The following CDH7 variants were observed in gnomAD, a reference collection of about 807,000 sequenced individuals.
CDH7 encodes cadherin-7.
Under a neutral mutation model 71.8 loss-of-function variants are expected in CDH7, and 25 were observed. The ratio of observed to expected loss-of-function variants is 0.35; its 90% CI spans 0.25 to 0.49. CDH7 has a LOEUF of 0.49. Among genes scored for constraint, CDH7 ranks in the 20% least tolerant of loss-of-function variants. The pLI is 0.99. For synonymous variants in CDH7, 381 were observed against 363.8 expected (o/e 1.05, Z -0.54); for missense variants, 862 against 974.6 (o/e 0.88, Z 1.54).
In CDH7 at chr18:65,885,692, T is replaced by C. The variant is rs1247439672; in HGVS notation, c.*4798T>C. ...TGTGTGTGCGTTTTCATGTGTGTGA[T>C]TGGGAACCTTGAGAGATGTATCTGA... is the stretch of plus-strand genomic sequence containing the variant. On this transcript the variant is annotated 3_prime_UTR_variant, in exon 12 of 12. Transcript: ENST00000397968. 6.6e-6 allele frequency: 1 copy of C among 152,130 alleles called. No individual in the cohort carries two copies. The highest frequency in any genetic ancestry group is 1.5e-5 in the Non-Finnish European group (1 of 68,040). 9.4% of individuals were successfully genotyped at this position (152,130 alleles called of 1,614,324 possible).
In CDH7 at chr18:65,884,071, C is replaced by A. The variant is rs772936333; in HGVS notation, c.*3177C>A. On this transcript the variant is annotated 3_prime_UTR_variant, in exon 12 of 12. Transcript: ENST00000397968. ...TGAACAGTTTAATTTATTGAAAAAT[C>A]AGATGCATTTTACTTCTTACTGTCT... 6 of 152,082 alleles carry A rather than the reference C, an allele frequency of 3.9e-5. No homozygotes were observed. Among genetic ancestry groups the A allele is most frequent in the Non-Finnish European group, 2.9e-5 (2 of 67,960 alleles). The allele number at this position is 152,082 out of a possible 1,614,324, so 9.4% of individuals were successfully genotyped here.
At chr18:65,847,130 T>C (rs1361034073) in intron 7 of CDH7, among the ~76,000 whole-genome samples, 2 of 152,184 alleles carry the variant, frequency 1.3e-5, no homozygotes, top group Non-Finnish European at 2.9e-5. Flanking sequence ...ATGTAAATCC[T>C]GTCTCATATG....
At chr18:65,872,208 A>G (rs979738058) in intron 11 of CDH7, among the ~76,000 whole-genome samples, 4 of 152,170 alleles carry the variant, frequency 2.6e-5, no homozygotes, top group Non-Finnish European at 5.9e-5. Context: ...CACACATGCC[A>G]TGTAAAAAAA....
intron 2 of CDH7, among the ~76,000 whole-genome samples, chr18:65,781,780 T>TTTCTTTCTTTCTTTCTTTCTA (rs1568181302): frequency 6.8e-5 from 4 of 59,124 alleles, no homozygotes; most frequent in African/African-American, 4.0e-4. Flanking sequence ...CCTTCCTTCC[T>TTTCTTTCTTTCTTTCTTTCTA]TCCTTCCTTC....
At chr18:65,812,696 T>C (rs1281444089) in intron 3 of CDH7, among the ~76,000 whole-genome samples, 1 of 152,196 alleles carries the variant, frequency 6.6e-6, no homozygotes, top group African/African-American at 2.4e-5. Flanking sequence ...AATATGTGTG[T>C]GTATCTGGTG....
chr18:65,788,359 G>C (rs1316665523), intron 2 of CDH7, among the ~76,000 whole-genome samples: 2 of 152,066 alleles, frequency 1.3e-5, no homozygotes, highest in African/African-American at 4.8e-5. Context: ...GAAATAGTTG[G>C]CTTCTGAGTG....
intron 6 of CDH7, among the ~76,000 whole-genome samples, chr18:65,839,982 T>C (rs1912668408): frequency 1.3e-5 from 2 of 152,314 alleles, no homozygotes; most frequent in East Asian, 3.9e-4. Context: ...AAATGTGTTA[T>C]GATACATGAA....
intron 1 of CDH7, among the ~76,000 whole-genome samples, chr18:65,758,200 G>A (rs1916086871): frequency 6.6e-6 from 1 of 152,144 alleles, no homozygotes; most frequent in African/African-American, 2.4e-5. Flanking sequence ...ATTACTTCTG[G>A]TTGACAACCA....
rs199518714 is a variant in CDH7, at chr18:65,766,922, A to AAAAAAAAAATT, written c.210+3870_210+3871insAAAAAAAAATT. Among the ~76,000 whole-genome samples, 25 of 136,938 alleles carry AAAAAAAAAATT rather than the reference A, an allele frequency of 1.8e-4. 1 individual carries two copies. The highest frequency in any genetic ancestry group is 6.3e-4 in the African/African-American group (23 of 36,570). 89.8% of individuals were successfully genotyped at this position (136,938 alleles called of 152,430 possible). ...AAAAAAAAAAAAAAAAAAAAAAAAAAGTCTACAAAACCACTCAGCCTCTGT... is the reference window on the plus strand; with the variant it reads ...AAAAAAAAAAAAAAAAAAAAAAAAAAAAAAAAAAATTGTCTACAAAACCACTCAGCCTCTGT... On this transcript the variant is annotated intron_variant, in intron 2 of 11. Coordinates refer to ENST00000397968, the MANE Select transcript of CDH7 (RefSeq NM_004361.5).
intron 4 of CDH7, among the ~76,000 whole-genome samples, chr18:65,815,694 G>T (rs1911698678): frequency 1.3e-5 from 2 of 152,122 alleles, no homozygotes; most frequent in African/African-American, 4.8e-5. Context: ...AAACCACATG[G>T]AAATCTACAA....
chr18:65,841,765 G>A (rs1359609563), intron 6 of CDH7, among the ~76,000 whole-genome samples: 2 of 151,976 alleles, frequency 1.3e-5, no homozygotes, highest in African/African-American at 2.4e-5. Context: ...CCTGTACCTC[G>A]TCCTGCACCT....
At chr18:65,839,209 G>A (rs1465319501) in intron 6 of CDH7, among the ~76,000 whole-genome samples, 3 of 152,062 alleles carry the variant, frequency 2.0e-5, no homozygotes, top group African/African-American at 7.2e-5. Context: ...TATTGTCTTA[G>A]TCCGTTTGGG....
chr18:65,767,715 T>C (rs1916418370), intron 2 of CDH7, among the ~76,000 whole-genome samples: 1 of 152,220 alleles, frequency 6.6e-6, no homozygotes, highest in Non-Finnish European at 1.5e-5. Context: ...GAATTCCTGG[T>C]GATTTCAAAA....
At chr18:65,841,770 G>C (rs1380278513) in intron 6 of CDH7, among the ~76,000 whole-genome samples, 1 of 152,034 alleles carries the variant, frequency 6.6e-6, no homozygotes, top group East Asian at 1.9e-4. Flanking sequence ...ACCTCGTCCT[G>C]CACCTGCTGA....
chr18:65,766,594 G>T (rs1323539928), intron 2 of CDH7, among the ~76,000 whole-genome samples: 1 of 152,036 alleles, frequency 6.6e-6, no homozygotes, highest in Admixed American at 6.5e-5. Flanking sequence ...CTTAAGGAAG[G>T]AGTCCTTGGA....
intron 1 of CDH7, among the ~76,000 whole-genome samples, chr18:65,755,232 G>T (rs1313565072): frequency 6.6e-6 from 1 of 152,128 alleles, no homozygotes; most frequent in Non-Finnish European, 1.5e-5. Context: ...ATGGATATTG[G>T]ATCAGTACCT....
chr18:65,835,304 G>A (rs909808858), intron 6 of CDH7, among the ~76,000 whole-genome samples: 2 of 152,160 alleles, frequency 1.3e-5, no homozygotes, highest in African/African-American at 4.8e-5. Flanking sequence ...GAAGAAAGAA[G>A]CAATAAAGTA....
intron 2 of CDH7, among the ~76,000 whole-genome samples, chr18:65,781,233 G>A (rs1478813568): frequency 6.6e-6 from 1 of 152,056 alleles, no homozygotes; most frequent in Non-Finnish European, 1.5e-5. Context: ...TTCGAGAGTG[G>A]TGCTTACTGC....
chr18:65,869,974 G>T (rs1189335866), intron 11 of CDH7, among the ~76,000 whole-genome samples: 1 of 151,782 alleles, frequency 6.6e-6, no homozygotes, highest in Non-Finnish European at 1.5e-5. Context: ...TCTGAGATTT[G>T]GTCTATCTCC....
Sources: allele counts gnomAD v4.1 joint callset (sites outside exome capture counted in the v4.1 genomes callset), GRCh38; gene constraint gnomAD v4.1.1; transcripts MANE v1.5; gene names NCBI Gene and HGNC (gene_info 2026-07-23, HGNC 2026-07-21).